The following PAX3 variants were observed in gnomAD, a reference collection of about 807,000 sequenced individuals.
The protein encoded by PAX3 is paired box protein Pax-3.
PAX3 carries 14 observed loss-of-function variants against 51.6 expected under a neutral mutation model. That is an observed-to-expected ratio of 0.27 (90% CI 0.18 to 0.42). The LOEUF (loss-of-function observed/expected upper bound fraction) is 0.42, where lower values mean the gene tolerates loss of function less well. Among genes scored for constraint, PAX3 ranks in the 10% least tolerant of loss-of-function variants. The pLI, the probability that PAX3 is intolerant of heterozygous loss-of-function variation, is 1.00. For synonymous variants in PAX3, 280 were observed against 253.4 expected, an observed-to-expected ratio of 1.11 and a Z score of -1.00; for missense variants, 540 against 642.8, an observed-to-expected ratio of 0.84 and a Z score of 1.73.
intron 4 of PAX3, among the ~76,000 whole-genome samples, chr2:222,234,122 A>G (rs1439565776): frequency 6.6e-6 from 1 of 152,196 alleles, no homozygotes; most frequent in East Asian, 1.9e-4. Context: ...TACTACTTCC[A>G]TACTTTATTC....
chr2:222,293,298 CCTG>C (rs1695114030), intron 4 of PAX3, among the ~76,000 whole-genome samples: 2 of 152,230 alleles, frequency 1.3e-5, no homozygotes, highest in Non-Finnish European at 2.9e-5. Context: ...CCTGCCGTCT[CCTG>C]CTGCAATGAT....
chr2:222,290,142 C>A (rs895716657), intron 4 of PAX3, among the ~76,000 whole-genome samples: 9 of 152,152 alleles, frequency 5.9e-5, no homozygotes, highest in African/African-American at 1.7e-4. Flanking sequence ...TTTCAGCAGT[C>A]CCTTAATGAT....
At chr2:222,253,876 A>G (rs1052265201) in intron 4 of PAX3, among the ~76,000 whole-genome samples, 1 of 152,084 alleles carries the variant, frequency 6.6e-6, no homozygotes, top group African/African-American at 2.4e-5. Flanking sequence ...CCTGTTGCCA[A>G]ACTCCTGGGC....
In PAX3 at chr2:222,220,158, G is replaced by T; in HGVS notation, c.1155C>A (p.Gly385=). 2.5e-6 allele frequency: 4 copies of T among 1,613,712 alleles called. No homozygotes were observed. The highest frequency in any genetic ancestry group is 3.4e-6 in the Non-Finnish European group (4 of 1,179,818). The part of the protein sequence containing the change: ...GPSNPMNPTI[G]NGLSPQVMGL... ...GACTGACCTGAGGTGAGAGGCCATT[G>T]CCAATGGTGGGGTTCATGGGGTTGG... The change falls in exon 7 of 9, where the codon GGC becomes GGA. Residue 385 remains glycine, a synonymous_variant. Transcript: ENST00000392070.
intron 5 of PAX3, 128 bp from the exon 6 acceptor site, chr2:222,221,515 C>T: frequency 1.1e-6 from 1 of 888,372 alleles, no homozygotes; most frequent in South Asian, 1.4e-5. Flanking sequence ...GAGTTCTCTG[C>T]CTTCTGTGTT....
intron 7 of PAX3, among the ~76,000 whole-genome samples, chr2:222,208,666 C>A (rs989781308): frequency 1.3e-5 from 2 of 152,268 alleles, no homozygotes; most frequent in East Asian, 3.9e-4. Flanking sequence ...CTCTAAAGCG[C>A]GTGTGCTCAA....
At chr2:222,219,584 T>C (rs1692102629) in intron 7 of PAX3, among the ~76,000 whole-genome samples, 1 of 152,206 alleles carries the variant, frequency 6.6e-6, no homozygotes, top group Non-Finnish European at 1.5e-5. Flanking sequence ...CAAAGAGCAG[T>C]AATTCCCCTA....
In PAX3 at chr2:222,293,946, G is replaced by T. The variant is rs1306902612; in HGVS notation, c.586+221C>A. On this transcript the variant is annotated intron_variant, in intron 4 of 8. Coordinates refer to ENST00000392070, the MANE Select transcript of PAX3 (RefSeq NM_181458.4). ...GGGCTGAAAGTGGTTAAGAAAGAAA[G>T]ATTTACAAAACAGAAAAACTAAGCA... The T allele has an allele frequency of 3.9e-6, 6 of 1,529,944 alleles. No homozygotes were observed. In the Admixed American group the frequency reaches 1.1e-4, roughly 29 times the overall value. The allele number at this position is 1,529,944 out of a possible 1,614,324, so 94.8% of individuals were successfully genotyped here.
chr2:222,207,710 A>G (rs1379779210), intron 7 of PAX3, among the ~76,000 whole-genome samples: 1 of 152,086 alleles, frequency 6.6e-6, no homozygotes, highest in African/African-American at 2.4e-5. Flanking sequence ...TTGAATACCT[A>G]TTGCTCAATA....
At chr2:222,206,191 A>C (rs1470587412) in intron 7 of PAX3, among the ~76,000 whole-genome samples, 1 of 151,908 alleles carries the variant, frequency 6.6e-6, no homozygotes, top group East Asian at 1.9e-4. Context: ...TAGTTTTGAC[A>C]AACAATTTCA....
At chr2:222,236,732 T>C (rs1465719143) in intron 4 of PAX3, among the ~76,000 whole-genome samples, 1 of 152,218 alleles carries the variant, frequency 6.6e-6, no homozygotes, top group Non-Finnish European at 1.5e-5. Context: ...ATAAACTCTT[T>C]GGACTATTAC....
intron 4 of PAX3, among the ~76,000 whole-genome samples, chr2:222,279,306 T>TGC (rs1384711822): frequency 1.4e-5 from 2 of 147,702 alleles, no homozygotes; most frequent in Admixed American, 7.2e-5. Context: ...AGCCTGTGCG[T>TGC]GTGTGTGTGT....
chr2:222,265,691 G>GAAGGAAGGAAGGAAGGAAGAGAGA (rs1553583540), intron 4 of PAX3, among the ~76,000 whole-genome samples: 2 of 142,028 alleles, frequency 1.4e-5, no homozygotes, highest in African/African-American at 5.1e-5. Context: ...AGGAAGGAAG[G>GAAGGAAGGAAGGAAGGAAGAGAGA]GAGAAAGATT....
chr2:222,270,761 C>T (rs1302663212), intron 4 of PAX3, among the ~76,000 whole-genome samples: 4 of 152,178 alleles, frequency 2.6e-5, no homozygotes, highest in Admixed American at 2.6e-4. Context: ...CTTATTTTGC[C>T]CAAATCCAAA....
chr2:222,255,297 TA>T (rs75284676), intron 4 of PAX3, among the ~76,000 whole-genome samples: 42,381 of 152,022 alleles, frequency 0.28, 6,232 homozygotes, highest in Middle Eastern at 0.39. Context: ...CTGCCCTGCC[TA>T]AATATGGTGA....
chr2:222,278,348 A>G (rs1434884608), intron 4 of PAX3, among the ~76,000 whole-genome samples: 2 of 152,016 alleles, frequency 1.3e-5, no homozygotes, highest in Admixed American at 1.3e-4. Flanking sequence ...CCAGTCCTCT[A>G]GAGGAGGGGA....
At chr2:222,234,322 T>C (rs1051611844) in intron 4 of PAX3, among the ~76,000 whole-genome samples, 5 of 152,178 alleles carry the variant, frequency 3.3e-5, no homozygotes, top group Non-Finnish European at 7.4e-5. Flanking sequence ...TACGTTAGGA[T>C]ATTTTACTAC....
At chr2:222,216,306 A>G (rs1691956939) in intron 7 of PAX3, among the ~76,000 whole-genome samples, 1 of 152,314 alleles carries the variant, frequency 6.6e-6, no homozygotes, top group Non-Finnish European at 1.5e-5. Context: ...CCTTGGCCTC[A>G]GTTTTCCAAT....
At chr2:222,240,002 A>C (rs1692949002) in intron 4 of PAX3, among the ~76,000 whole-genome samples, 2 of 152,060 alleles carry the variant, frequency 1.3e-5, no homozygotes, top group East Asian at 3.9e-4. Flanking sequence ...CTTCTGACCC[A>C]AGCCCTTCCC....
Sources: gnomAD v4.1 joint callset for allele counts (sites outside exome capture counted in the v4.1 genomes callset) on GRCh38, gnomAD v4.1.1 for gene constraint, MANE v1.5 for transcripts, NCBI Gene and HGNC (gene_info 2026-07-23, HGNC 2026-07-21) for gene names.